PTCD3: variants seen among roughly 807,000 people sequenced by gnomAD.
PTCD3 encodes the protein pentatricopeptide repeat domain 3.
A neutral mutation model predicts 101.9 loss-of-function variants in PTCD3; 89 were observed. That is an observed-to-expected ratio of 0.87 (90% CI 0.74 to 1.04). PTCD3 has a LOEUF of 1.04. Ranked by LOEUF, PTCD3 falls within the 50% of genes least tolerant of loss-of-function variation. The pLI is 0.00. For synonymous variants in PTCD3, 296 were observed against 278.5 expected, an observed-to-expected ratio of 1.06 and a Z score of -0.63; for missense variants, 870 against 828.2, an observed-to-expected ratio of 1.05 and a Z score of -0.62.
chr2:86,123,779 T>G lies in PTCD3; in HGVS notation c.716+17T>G. The G allele has an allele frequency of 6.4e-7, 1 of 1,574,450 alleles. No individual in the cohort carries two copies. Among genetic ancestry groups the G allele is most frequent in the Non-Finnish European group, 8.7e-7 (1 of 1,155,474 alleles). ...TACATGGCGGTATGTCACACGTAATTAGAACCTTGAATTACAGTGTCTTAC... is the reference window on the plus strand; with the variant it reads ...TACATGGCGGTATGTCACACGTAATGAGAACCTTGAATTACAGTGTCTTAC... On this transcript the variant is annotated intron_variant, in intron 9 of 23. Transcript: ENST00000254630.
chr2:86,122,194 G>A (rs1674296037), intron 8 of PTCD3, among the ~76,000 whole-genome samples: 1 of 152,314 alleles, frequency 6.6e-6, no homozygotes, highest in South Asian at 2.1e-4. Flanking sequence ...GATAAAAGTT[G>A]TGTGGCCATT....
intron 14 of PTCD3, among the ~76,000 whole-genome samples, chr2:86,129,272 T>G (rs1451862231): frequency 6.6e-6 from 1 of 152,272 alleles, no homozygotes; most frequent in Non-Finnish European, 1.5e-5. Flanking sequence ...CAAAGTCAGA[T>G]GTACTTACAT....
At position 86,137,741 on chromosome 2, in the gene PTCD3, T is replaced by C; in HGVS notation, c.*182T>C. ...ATGTAGATTTAAGCTGCTAATATGC[T>C]ACTTAACCATCTATTAATGCACCAT... On this transcript the variant is annotated 3_prime_UTR_variant, in exon 24 of 24. Coordinates refer to ENST00000254630, the MANE Select transcript of PTCD3 (RefSeq NM_017952.6). 2.6e-6 allele frequency: 2 copies of C among 757,414 alleles called. No individual in the cohort carries two copies. The highest frequency in any genetic ancestry group is 3.1e-5 in the East Asian group (1 of 31,816). 46.9% of individuals were successfully genotyped at this position (757,414 alleles called of 1,614,324 possible).
At chr2:86,136,441 T>C (rs1308723669) in intron 21 of PTCD3, 80 bp from the exon 22 acceptor site, 1 of 1,367,662 alleles carries the variant, frequency 7.3e-7, no homozygotes, top group Non-Finnish European at 1.0e-6. Context: ...TAGTCTCTGA[T>C]TTCAGAGAGA....
intron 9 of PTCD3, among the ~76,000 whole-genome samples, chr2:86,124,736 A>T (rs1448002806): frequency 6.6e-6 from 1 of 152,224 alleles, no homozygotes; most frequent in East Asian, 1.9e-4. Flanking sequence ...AGATATTTAT[A>T]TACTTGTTTA....
chr2:86,113,520 A>G (rs529320506), intron 4 of PTCD3, among the ~76,000 whole-genome samples: 1 of 152,306 alleles, frequency 6.6e-6, no homozygotes, highest in East Asian at 1.9e-4. Flanking sequence ...AAATGGAACT[A>G]CTAGGCTGGA....
rs745471525 is a variant in PTCD3 at position 86,136,005 on chromosome 2, T to C, written c.1779-516T>C. 9.6e-6 allele frequency: 5 copies of C among 519,084 alleles called. No homozygotes were observed. In the East Asian group the frequency reaches 2.7e-4, roughly 28 times the overall value. 32.2% of individuals were successfully genotyped at this position (519,084 alleles called of 1,614,324 possible). A position where few individuals can be genotyped will look rare whatever the true frequency, so the allele number is the denominator to read the frequency against. Reference sequence around the variant, plus strand: ...TGAGACTGTTGCCTCAATCTGAGCCTGCACTTCATAACAGAATTCTAAGAC... The same window carrying C: ...TGAGACTGTTGCCTCAATCTGAGCCCGCACTTCATAACAGAATTCTAAGAC... On this transcript the variant is annotated intron_variant, in intron 21 of 23. Coordinates refer to ENST00000254630, the MANE Select transcript of PTCD3 (RefSeq NM_017952.6).
chr2:86,113,716 G>T (rs1674128968), intron 4 of PTCD3, among the ~76,000 whole-genome samples: 1 of 152,038 alleles, frequency 6.6e-6, no homozygotes, highest in African/African-American at 2.4e-5. Flanking sequence ...CTGAGGTGAG[G>T]CTCACTTGAT....
rs756035657 is a variant in PTCD3 at position 86,106,302 on chromosome 2, C to T, written c.55C>T (p.Pro19Ser). The T allele has an allele frequency of 1.9e-6, 3 of 1,614,054 alleles. No homozygotes were observed. ...GGGCCTCCGCAGCAGGCTTGGCCAG[C>T]CGCTGACGGGTCGGCGGGCGGGTTT... ...WLGLRSRLGQ[P>S]LTGRRAGLCE... is the part of the protein sequence containing the mutation. The change falls in exon 1 of 24, where the codon CCG becomes TCG. Residue 19 changes from proline to serine, a missense_variant. Transcript: ENST00000254630.
chr2:86,116,409 C>T, intron 4 of PTCD3, 121 bp from the exon 5 acceptor site: 1 of 786,400 alleles, frequency 1.3e-6, no homozygotes, highest in Non-Finnish European at 2.1e-6. Flanking sequence ...TGGTGGCACA[C>T]ACCTGTAGCC....
chr2:86,136,647 T>A, intron 22 of PTCD3, 85 bp downstream of exon 22: 1 of 1,453,942 alleles, frequency 6.9e-7, no homozygotes. Context: ...AGCCACCACA[T>A]TTGGGCACTC....
intron 8 of PTCD3, 39 bp downstream of exon 8, chr2:86,121,633 C>A (rs1674284332): frequency 1.5e-6 from 2 of 1,318,824 alleles, no homozygotes; most frequent in Admixed American, 2.2e-5. Context: ...TTTCCTTAAG[C>A]TTCTTTTTGA....
chr2:86,126,085 C>T (rs1024529771), intron 12 of PTCD3, among the ~76,000 whole-genome samples: 1 of 152,012 alleles, frequency 6.6e-6, no homozygotes, highest in Non-Finnish European at 1.5e-5. Context: ...AAACAATTAG[C>T]TGGGCGTGGT....
rs1674661042 is a variant in PTCD3, at chr2:86,140,277, A to C, written c.*2718A>C. ...TAGCTGCTATATAAACACTATACCA[A>C]GCACTAGGCTTAGAGGAAAAGATGT... On this transcript the variant is annotated 3_prime_UTR_variant, in exon 24 of 24. Coordinates refer to ENST00000254630, the MANE Select transcript of PTCD3 (RefSeq NM_017952.6). 6.6e-6 allele frequency: 1 copy of C among 151,806 alleles called. No individual in the cohort carries two copies. Among genetic ancestry groups the C allele is most frequent in the Non-Finnish European group, 1.5e-5 (1 of 68,012 alleles). 9.4% of individuals were successfully genotyped at this position (151,806 alleles called of 1,614,324 possible).
At chr2:86,126,999 A>G (rs1407958878) in intron 12 of PTCD3, among the ~76,000 whole-genome samples, 162 bp from the exon 13 acceptor site, 3 of 152,210 alleles carry the variant, frequency 2.0e-5, no homozygotes, top group African/African-American at 7.2e-5. Flanking sequence ...AGGCAGAATC[A>G]TGGAACCTGC....
chr2:86,110,531 C>G (rs1026420502), intron 3 of PTCD3, among the ~76,000 whole-genome samples: 7 of 152,166 alleles, frequency 4.6e-5, no homozygotes, highest in Non-Finnish European at 7.3e-5. Flanking sequence ...TCTAATAGTT[C>G]AGTAAAGGTC....
At chr2:86,116,756 A>G (rs1364858483) in intron 5 of PTCD3, among the ~76,000 whole-genome samples, 158 bp downstream of exon 5, 5 of 152,262 alleles carry the variant, frequency 3.3e-5, no homozygotes, top group African/African-American at 4.8e-5. Flanking sequence ...AAAGATGTAC[A>G]TATCGTCAAT....
chr2:86,120,337 C>T (rs570226313), intron 7 of PTCD3, among the ~76,000 whole-genome samples: 105 of 152,252 alleles, frequency 6.9e-4, no homozygotes, highest in African/African-American at 2.4e-3. Flanking sequence ...GATCCTAGAA[C>T]ATTTCATTGT....
intron 22 of PTCD3, 155 bp from the exon 23 acceptor site, chr2:86,136,827 A>G (rs1461015766): frequency 1.9e-6 from 2 of 1,041,550 alleles, no homozygotes; most frequent in Non-Finnish European, 2.9e-6. Flanking sequence ...AGACTTTCTA[A>G]CCTCACTGGA....
Sources: allele counts gnomAD v4.1 joint callset (sites outside exome capture counted in the v4.1 genomes callset), GRCh38; gene constraint gnomAD v4.1.1; transcripts MANE v1.5; gene names NCBI Gene and HGNC (gene_info 2026-07-23, HGNC 2026-07-21).